CR1L: variants seen among roughly 807,000 people sequenced by gnomAD.
The protein encoded by CR1L is complement component receptor 1-like protein.
Under a neutral mutation model 62.3 loss-of-function variants are expected in CR1L, and 59 were observed. The observed-to-expected ratio is 0.95, with a 90% CI of 0.77 to 1.18. CR1L has a LOEUF of 1.18. Ranked by LOEUF, CR1L falls within the 50% of genes most tolerant of loss-of-function variation. CR1L has a pLI of 0.00. For synonymous variants in CR1L, 279 were observed against 248.7 expected, an observed-to-expected ratio of 1.12 and a Z score of -1.15; for missense variants, 700 against 702.8, an observed-to-expected ratio of 1.00 and a Z score of 0.04.
chr1:207,658,145 T>C (rs1306336793), intron 1 of CR1L, among the ~76,000 whole-genome samples: 1 of 152,130 alleles, frequency 6.6e-6, no homozygotes, highest in African/African-American at 2.4e-5. Flanking sequence ...TACAGGGGAA[T>C]GTATAGCATA....
intron 8 of CR1L, among the ~76,000 whole-genome samples, chr1:207,699,625 T>C (rs753431785): frequency 2.0e-5 from 3 of 152,228 alleles, no homozygotes; most frequent in Non-Finnish European, 4.4e-5. Context: ...TTTTCCCTTC[T>C]TCTCTCCCTC....
chr1:207,652,515 T>A, intron 1 of CR1L: 1 of 1,207,908 alleles, frequency 8.3e-7, no homozygotes, highest in Non-Finnish European at 1.2e-6. Flanking sequence ...TATCAGTACT[T>A]CATCTTCATG....
intron 9 of CR1L, among the ~76,000 whole-genome samples, chr1:207,703,890 G>C (rs1270646474): frequency 6.6e-6 from 1 of 152,070 alleles, no homozygotes; most frequent in Non-Finnish European, 1.5e-5. Context: ...GGAGGTGAAA[G>C]TTCCAGTGAG....
chr1:207,667,743 T>G (rs1216067295), intron 1 of CR1L, among the ~76,000 whole-genome samples: 1 of 151,594 alleles, frequency 6.6e-6, no homozygotes, highest in African/African-American at 2.4e-5. Flanking sequence ...ACCTACAGAA[T>G]GTGAGAAAAT....
intron 10 of CR1L, among the ~76,000 whole-genome samples, chr1:207,712,503 A>T (rs1196415250): frequency 1.3e-5 from 2 of 152,164 alleles, no homozygotes; most frequent in African/African-American, 4.8e-5. Flanking sequence ...ACTAACAAGT[A>T]CTCTGGAACT....
chr1:207,697,427 AT>A, intron 5 of CR1L, 75 bp from the exon 6 acceptor site: 1 of 1,611,112 alleles, frequency 6.2e-7, no homozygotes, highest in East Asian at 2.2e-5. Flanking sequence ...TGTAATTATT[AT>A]TCCCTTGGCC....
chr1:207,706,599 C>T (rs755982169), intron 9 of CR1L, among the ~76,000 whole-genome samples: 7 of 151,980 alleles, frequency 4.6e-5, no homozygotes, highest in Non-Finnish European at 7.4e-5. Context: ...AAATGTAATA[C>T]CCGCAAAAGA....
At chr1:207,660,372 GAT>G (rs1371677243) in intron 1 of CR1L, among the ~76,000 whole-genome samples, 3 of 152,212 alleles carry the variant, frequency 2.0e-5, no homozygotes, top group Non-Finnish European at 4.4e-5. Context: ...CTCCGCTGGT[GAT>G]ACCCACGCAA....
chr1:207,713,129 C>T (rs1664386486), intron 10 of CR1L, among the ~76,000 whole-genome samples: 1 of 152,254 alleles, frequency 6.6e-6, no homozygotes, highest in East Asian at 1.9e-4. Flanking sequence ...AAAAATGGCA[C>T]ATACAACTCA....
At chr1:207,704,274 A>T (rs1664236526) in intron 9 of CR1L, among the ~76,000 whole-genome samples, 1 of 152,232 alleles carries the variant, frequency 6.6e-6, no homozygotes, top group Non-Finnish European at 1.5e-5. Context: ...TAAAGGTGTG[A>T]CTGTATTGCT....
In CR1L at chr1:207,717,692, G is replaced by A. The variant is rs757271736; in HGVS notation, c.1642+1G>A. On this transcript the variant is annotated splice_donor_variant, in intron 11 of 11. Transcript: ENST00000508064. LOFTEE classifies it high-confidence loss of function. Reference sequence around the variant, plus strand: ...CGCTGTGAACTTCCTGTTGGTGCTGGTCAGTATCCGCTTCCACATATCCTA... The same window carrying A: ...CGCTGTGAACTTCCTGTTGGTGCTGATCAGTATCCGCTTCCACATATCCTA... 1 of 1,613,946 alleles carries A rather than the reference G, an allele frequency of 6.2e-7. No individual in the cohort carries two copies. The highest frequency in any genetic ancestry group is 2.2e-5 in the East Asian group (1 of 44,886).
At chr1:207,694,814 A>G in intron 5 of CR1L, 63 bp downstream of exon 5, 1 of 1,609,956 alleles carries the variant, frequency 6.2e-7, no homozygotes, top group Non-Finnish European at 8.5e-7. Flanking sequence ...GGATCAGGAG[A>G]TTAGTATTTG....
At chr1:207,669,418 T>A in intron 1 of CR1L, 2 of 1,217,842 alleles carry the variant, frequency 1.6e-6, no homozygotes, top group Non-Finnish European at 2.4e-6. Context: ...CGAGATCAAA[T>A]CTGGTTTGTA....
intron 1 of CR1L, among the ~76,000 whole-genome samples, chr1:207,656,559 C>T (rs771980686): frequency 6.6e-6 from 1 of 152,074 alleles, no homozygotes; most frequent in African/African-American, 2.4e-5. Flanking sequence ...CGTGATTCTA[C>T]AAGCTGTACA....
intron 8 of CR1L, among the ~76,000 whole-genome samples, chr1:207,699,494 C>T (rs1351381632): frequency 1.3e-5 from 2 of 152,132 alleles, no homozygotes; most frequent in South Asian, 2.1e-4. Flanking sequence ...TGTTCTATTG[C>T]GATAAATCCT....
At chr1:207,673,983 C>A (rs767393416) in intron 1 of CR1L, among the ~76,000 whole-genome samples, 1 of 152,148 alleles carries the variant, frequency 6.6e-6, no homozygotes, top group Non-Finnish European at 1.5e-5. Flanking sequence ...TATTACCCAG[C>A]AACAAAAGGA....
chr1:207,710,682 A>C, intron 10 of CR1L: 1 of 1,610,062 alleles, frequency 6.2e-7, no homozygotes, highest in Admixed American at 1.7e-5. Context: ...GAAGTTGTGG[A>C]GTTTAGGTGT....
chr1:207,707,724 G>A (rs1473075445), intron 9 of CR1L, among the ~76,000 whole-genome samples: 2 of 148,940 alleles, frequency 1.3e-5, no homozygotes, highest in Non-Finnish European at 3.0e-5. Context: ...TACTAGACAG[G>A]ATCAAAAGCA....
intron 11 of CR1L, among the ~76,000 whole-genome samples, chr1:207,718,929 T>C (rs910925163): frequency 4.0e-5 from 6 of 149,308 alleles, no homozygotes; most frequent in African/African-American, 1.5e-4. Context: ...TATGCAGCCA[T>C]AAAAAATGAT....
Sources: allele counts gnomAD v4.1 joint callset (sites outside exome capture counted in the v4.1 genomes callset), GRCh38; gene constraint gnomAD v4.1.1; transcripts MANE v1.5; gene names NCBI Gene and HGNC (gene_info 2026-07-23, HGNC 2026-07-21).